The following UPF3B variants were observed in gnomAD, a reference collection of about 807,000 sequenced individuals.
The protein encoded by UPF3B is UPF3B regulator of nonsense mediated mRNA decay.
Under a neutral mutation model 40.3 loss-of-function variants are expected in UPF3B, and 7 were observed. The ratio of observed to expected loss-of-function variants is 0.17; its 90% CI spans 0.10 to 0.33. The LOEUF is 0.33. Ranked by LOEUF, UPF3B falls within the 10% of genes least tolerant of loss-of-function variation. The pLI is 1.00. For missense variants in UPF3B, 229 were observed against 358.9 expected (o/e 0.64, Z 2.93); for synonymous variants, 117 against 117.3 (o/e 1.00, Z 0.01).
At chrX:119,844,650 C>G (rs1046284353) in intron 4 of UPF3B, among the ~76,000 whole-genome samples, 3 of 110,219 alleles carry the variant, frequency 2.7e-5, no homozygotes, top group Non-Finnish European at 3.8e-5. Flanking sequence ...GTTGCCCAGG[C>G]TGGAGTGCAA....
intron 4 of UPF3B, among the ~76,000 whole-genome samples, chrX:119,822,416 C>T (rs756628351): frequency 1.8e-5 from 2 of 113,025 alleles, no homozygotes; most frequent in African/African-American, 3.2e-5. Flanking sequence ...TCGTGTCACA[C>T]GTGATGAAGT....
In UPF3B at chrX:119,817,129, C is replaced by A. The variant is rs189931979; in HGVS notation, c.495-1822G>T. On this transcript the variant is annotated intron_variant, in intron 4 of 6. Coordinates refer to the UPF3B transcript ENST00000636792. ...GAATTACAGGCGGGCATAAGCACAC[C>A]CAGCTAATTTTTGTATTTTTAGTAG... is the stretch of plus-strand genomic sequence containing the variant. 4.5e-5 allele frequency among the ~76,000 whole-genome samples: 5 copies of A among 110,785 alleles called. No individual in the cohort carries two copies. The Admixed American group carries it at 4.8e-4, about 11-fold the overall frequency.
At position 119,852,856 on chromosome X, in the gene UPF3B, T is replaced by C; in HGVS notation, c.73A>G (p.Ser25Gly). The C allele has an allele frequency of 8.2e-7, 1 of 1,212,477 alleles. No individual in the cohort carries two copies. Among genetic ancestry groups the C allele is most frequent in the Non-Finnish European group, 1.1e-6 (1 of 895,639 alleles). The change falls in exon 1 of 11, where the codon AGC becomes GGC. Residue 25 changes from serine to glycine, a missense_variant. By Grantham distance (56) the Ser-to-Gly change is moderately conservative. Coordinates refer to ENST00000276201, the MANE Select transcript of UPF3B (RefSeq NM_080632.3). The stretch of plus-strand genomic sequence containing the variant: ...CTGTCCCCCGAGGTCCCACCACCGC[T>C]GCCTGTGGCCCCGGCGGGGGTTAAC... ...TLLTPAGATG[S>G]GGGTSGDSSK... is the part of the protein sequence containing the mutation.
At chrX:119,811,967 AT>A (rs1351764280) in intron 5 of UPF3B, among the ~76,000 whole-genome samples, 1 of 110,881 alleles carries the variant, frequency 9.0e-6, no homozygotes, top group Non-Finnish European at 1.9e-5. Flanking sequence ...AAAAAAAAAA[AT>A]CCAGGCTGGG....
At position 119,815,974 on chromosome X, in the gene UPF3B, G is replaced by T. The variant is rs202184952; in HGVS notation, c.495-667C>A. Among the ~76,000 whole-genome samples the T allele has an allele frequency of 1.1e-4, 12 of 111,184 alleles. No individual in the cohort carries two copies. The East Asian group carries it at 2.8e-3, about 26-fold the overall frequency. ...TTTTTGTATTTTTAGTAGAGACGGG[G>T]TTTCACCACGTAGGCCAGGTTCATC... On this transcript the variant is annotated intron_variant, in intron 4 of 6. Coordinates refer to the UPF3B transcript ENST00000636792.
Position 119,834,979 on chromosome X carries a change from G to A in UPF3B, c.1351C>T (p.Arg451Ter). The A allele has an allele frequency of 1.7e-6, 2 of 1,212,023 alleles. No homozygotes were observed. The highest frequency in any genetic ancestry group is 2.2e-6 in the Non-Finnish European group (2 of 895,564). The change falls in exon 11 of 11, where the codon CGA becomes TGA. Residue 451 changes from arginine (R) to a stop codon, truncating the protein, a stop_gained. Coordinates refer to ENST00000276201, the MANE Select transcript of UPF3B (RefSeq NM_080632.3). LOFTEE classifies it high-confidence loss of function. ...GTGCTGTCATCAGGGGGACAGAGTCGATTTCGGCTTCGAGCTCCTGGTTGG... is the reference window on the plus strand; with the variant it reads ...GTGCTGTCATCAGGGGGACAGAGTCAATTTCGGCTTCGAGCTCCTGGTTGG... ...LYQPGARSRN[R>*]LCPPDDSTKS...
intron 10 of UPF3B, among the ~76,000 whole-genome samples, chrX:119,836,860 C>T (rs759892204): frequency 1.9e-4 from 20 of 108,004 alleles, no homozygotes; most frequent in African/African-American, 6.8e-4. Context: ...CCATGTTAGC[C>T]AGGATGGTCT....
downstream of UPF3B, among the ~76,000 whole-genome samples, chrX:119,829,417 T>C (rs1413791482): frequency 1.8e-5 from 2 of 112,216 alleles, no homozygotes; most frequent in Non-Finnish European, 3.8e-5. Context: ...TCCCTTGTAC[T>C]TCTCTAAAAA....
intron 3 of UPF3B, among the ~76,000 whole-genome samples, chrX:119,850,199 T>C (rs5956159): frequency 0.049 from 5,459 of 110,924 alleles, 119 homozygotes; most frequent in East Asian, 0.15. Context: ...CTCAGGAGGC[T>C]GAGGTGGGAG....
chrX:119,851,440 T>C, intron 3 of UPF3B, 55 bp downstream of exon 3: 1 of 921,627 alleles, frequency 1.1e-6, no homozygotes, highest in Non-Finnish European at 1.6e-6. Flanking sequence ...ACGAGTTGTC[T>C]TAAACATACA....
chrX:119,822,251 G>T (rs1389024337), intron 4 of UPF3B, among the ~76,000 whole-genome samples: 2 of 112,644 alleles, frequency 1.8e-5, no homozygotes, highest in Non-Finnish European at 3.7e-5. Context: ...CATGCTTGTT[G>T]CTTCTACACT....
downstream of UPF3B, among the ~76,000 whole-genome samples, chrX:119,829,298 C>T (rs1007777525): frequency 1.8e-5 from 2 of 112,408 alleles, no homozygotes; most frequent in East Asian, 2.8e-4. Flanking sequence ...GAATTACAGG[C>T]GTCAGCCACC....
intron 6 of UPF3B, among the ~76,000 whole-genome samples, chrX:119,807,175 A>G (rs150482515): frequency 1.9e-4 from 21 of 111,678 alleles, no homozygotes; most frequent in Non-Finnish European, 3.6e-4. Context: ...GCAAATTGCA[A>G]TGCATGTCCT....
chrX:119,810,629 C>T (rs756424610), intron 5 of UPF3B, among the ~76,000 whole-genome samples: 1 of 111,689 alleles, frequency 9.0e-6, no homozygotes, highest in South Asian at 3.7e-4. Flanking sequence ...CAGAAAAATG[C>T]CCAGGAAAAC....
chrX:119,836,352 C>T (rs1212209600), intron 10 of UPF3B, among the ~76,000 whole-genome samples: 2 of 110,600 alleles, frequency 1.8e-5, no homozygotes, highest in Admixed American at 9.7e-5. Flanking sequence ...GAGACTCCAT[C>T]GCAAAAAATA....
intron 4 of UPF3B, among the ~76,000 whole-genome samples, chrX:119,844,759 A>G (rs1421588593): frequency 9.0e-6 from 1 of 110,805 alleles, no homozygotes; most frequent in African/African-American, 3.3e-5. Context: ...ATGCACCACC[A>G]TACCCGGCTA....
chrX:119,842,451 C>T (rs1218574638), intron 5 of UPF3B, among the ~76,000 whole-genome samples: 2 of 109,479 alleles, frequency 1.8e-5, no homozygotes, highest in East Asian at 2.9e-4. Context: ...GGCGTGGTGG[C>T]GGACACCTGT....
At chrX:119,832,166 C>T (rs899629800), downstream of UPF3B, among the ~76,000 whole-genome samples, 1 of 111,601 alleles carries the variant, frequency 9.0e-6, no homozygotes, top group African/African-American at 3.3e-5. Context: ...CCCTATGTTG[C>T]CCAGGCTGGT....
chrX:119,815,206 T>G (rs2055854800), exon 5 of UPF3B: 1 of 795,080 alleles, frequency 1.3e-6, no homozygotes, highest in Non-Finnish European at 1.5e-6. Flanking sequence ...TTTCCTGCTT[T>G]CTTTCTACTG....
Sources: gnomAD v4.1 joint callset for allele counts (sites outside exome capture counted in the v4.1 genomes callset) on GRCh38, gnomAD v4.1.1 for gene constraint, MANE v1.5 for transcripts, NCBI Gene and HGNC (gene_info 2026-07-23, HGNC 2026-07-21) for gene names.